DNAI4: variants seen among roughly 807,000 people sequenced by gnomAD.
DNAI4 encodes WD repeat domain 78.
DNAI4 carries 85 observed loss-of-function variants against 105.8 expected under a neutral mutation model. The observed-to-expected ratio is 0.80, with a 90% CI of 0.67 to 0.96. The LOEUF (loss-of-function observed/expected upper bound fraction) is 0.96, where lower values mean the gene tolerates loss of function less well. Among genes scored for constraint, DNAI4 ranks in the 40% least tolerant of loss-of-function variants. The probability of loss-of-function intolerance (pLI) is 0.00; values close to 1 mark genes in which losing one functional copy is unlikely to be tolerated. For synonymous variants in DNAI4, 352 were observed against 331.5 expected (o/e 1.06, Z -0.67); for missense variants, 1,014 against 1,005.6 (o/e 1.01, Z -0.11).
chr1:66,826,517 T>C (rs1357300751), intron 15 of DNAI4, among the ~76,000 whole-genome samples: 4 of 152,082 alleles, frequency 2.6e-5, no homozygotes, highest in Admixed American at 6.5e-5. Flanking sequence ...AGGCTGGTCT[T>C]GAACTCTTGA....
chr1:66,916,667 G>A (rs1650095683), intron 1 of DNAI4, among the ~76,000 whole-genome samples: 1 of 152,076 alleles, frequency 6.6e-6, no homozygotes, highest in African/African-American at 2.4e-5. Flanking sequence ...CCAGTATATG[G>A]GCCCCTGTGT....
intron 1 of DNAI4, among the ~76,000 whole-genome samples, chr1:66,923,135 TTG>T (rs1292448786): frequency 6.6e-6 from 1 of 152,228 alleles, no homozygotes; most frequent in Non-Finnish European, 1.5e-5. Flanking sequence ...ATACTTAGCA[TTG>T]TGTTACAATT....
chr1:66,924,779 G>C lies in DNAI4; in HGVS notation c.53C>G (p.Ala18Gly). Residue 18 changes from alanine to glycine, a missense_variant, in exon 1 of 17, where the codon GCT (alanine) becomes GGT (glycine). Ala to Gly is a moderately conservative substitution (Grantham distance 60). Transcript: ENST00000371026. ...GCCTCTGAAGTCCCTGTACCCCCAA[G>C]CTCCTCCGTTAGCGGCTCGGGCCGA... ...GASARAANGG[A>G]WGYRDFRGGQ... 6 of 1,613,950 alleles carry C rather than the reference G, an allele frequency of 3.7e-6. No homozygotes were observed. The highest frequency in any genetic ancestry group is 4.2e-6 in the Non-Finnish European group (5 of 1,179,806).
chr1:66,819,348 T>C (rs1645578837), intron 16 of DNAI4, among the ~76,000 whole-genome samples: 1 of 152,190 alleles, frequency 6.6e-6, no homozygotes, highest in African/African-American at 2.4e-5. Flanking sequence ...TTCTCTTATT[T>C]TCCTTTTCCT....
rs199651675 is a variant in DNAI4 at position 66,833,622 on chromosome 1, C to A, written c.1976G>T (p.Arg659Leu). 9 of 1,613,324 alleles carry A rather than the reference C, an allele frequency of 5.6e-6. No homozygotes were observed. The highest frequency in any genetic ancestry group is 6.8e-6 in the Non-Finnish European group (8 of 1,179,552). ...AGCAAAACACATTCCAGGAGCCTGT[C>A]GAGATATCAAAGCTTCATCTTTCTT... ...KEKKDEALIS[R>L]QAPGMCFAFH... The change falls in exon 13 of 17, where the codon CGA (arginine) becomes CTA (leucine). Residue 659 changes from arginine to leucine, a missense_variant. Arg to Leu is a moderately radical substitution (Grantham distance 102). Coordinates refer to ENST00000371026, the MANE Select transcript of DNAI4 (RefSeq NM_024763.5).
chr1:66,908,196 G>A (rs776682809), intron 1 of DNAI4, among the ~76,000 whole-genome samples: 2 of 152,122 alleles, frequency 1.3e-5, no homozygotes, highest in African/African-American at 4.8e-5. Context: ...TGTAACATCT[G>A]ACCTACATGC....
chr1:66,868,719 C>T (rs1017816267), intron 6 of DNAI4, among the ~76,000 whole-genome samples: 1 of 152,072 alleles, frequency 6.6e-6, no homozygotes, highest in African/African-American at 2.4e-5. Flanking sequence ...TGGTACTTCT[C>T]AGCCTCCATA....
chr1:66,843,500 A>G (rs1188012415), intron 8 of DNAI4, among the ~76,000 whole-genome samples: 1 of 152,076 alleles, frequency 6.6e-6, no homozygotes, highest in Non-Finnish European at 1.5e-5. Flanking sequence ...TATTCTCTTG[A>G]CAGTGTCTTT....
intron 1 of DNAI4, among the ~76,000 whole-genome samples, chr1:66,915,022 A>G (rs1381811960): frequency 2.0e-5 from 3 of 152,240 alleles, no homozygotes; most frequent in Non-Finnish European, 2.9e-5. Flanking sequence ...GCATTTATTA[A>G]TCAAGCAATT....
At chr1:66,878,453 T>G (rs141797919) in intron 4 of DNAI4, among the ~76,000 whole-genome samples, 1 of 152,170 alleles carries the variant, frequency 6.6e-6, no homozygotes, top group Non-Finnish European at 1.5e-5. Context: ...AGAGCCCTAG[T>G]TGCTTTTATT....
chr1:66,861,609 G>A (rs1461829511), intron 7 of DNAI4, among the ~76,000 whole-genome samples: 3 of 152,164 alleles, frequency 2.0e-5, no homozygotes, highest in African/African-American at 4.8e-5. Flanking sequence ...GGCAGTACAC[G>A]TACTGACATT....
In DNAI4 at chr1:66,827,005, A is replaced by G. The variant is rs1165440665; in HGVS notation, c.2154T>C (p.Asp718=). Reference sequence around the variant, plus strand: ...AATCTGCAGAACAGCTTAAAAATACATCATGACAAAATGGATTCCATGTCA... The same window carrying G: ...AATCTGCAGAACAGCTTAAAAATACGTCATGACAAAATGGATTCCATGTCA... The part of the protein sequence containing the change: ...YKVTWNPFCH[D]VFLSCSADWG... The change falls in exon 15 of 17, where the codon GAT becomes GAC. Residue 718 remains aspartate, a synonymous_variant. Transcript: ENST00000371026. 6.2e-7 allele frequency: 1 copy of G among 1,614,020 alleles called. No homozygotes were observed.
chr1:66,842,207 A>G (rs1646164633), intron 8 of DNAI4, among the ~76,000 whole-genome samples: 2 of 152,172 alleles, frequency 1.3e-5, no homozygotes, highest in Admixed American at 6.5e-5. Context: ...ATCATAGTTC[A>G]TTTATCCATT....
At chr1:66,858,257 C>T (rs1177158419) in intron 7 of DNAI4, among the ~76,000 whole-genome samples, 5 of 151,530 alleles carry the variant, frequency 3.3e-5, no homozygotes, top group Admixed American at 6.6e-5. Flanking sequence ...TGGCCGGGCG[C>T]GGTGGCTCAC....
Position 66,871,377 on chromosome 1 carries a change from T to C in DNAI4, c.933A>G (p.Glu311=), listed in dbSNP as rs762258833. The C allele has an allele frequency of 6.2e-7, 1 of 1,605,812 alleles. No homozygotes were observed. Among genetic ancestry groups the C allele is most frequent in the South Asian group, 1.1e-5 (1 of 88,770 alleles). ...KDVQCDKIIM[E]DKGIMSTAWD... ...CAGAATGATAGAAATTACCTTTATC[T>C]TCCATTATGATTTTATCACATTGAA... The change falls in exon 6 of 17, where the codon GAA becomes GAG. Residue 311 remains glutamate (E), a synonymous_variant. Transcript: ENST00000371026.
intron 15 of DNAI4, among the ~76,000 whole-genome samples, chr1:66,823,933 T>C (rs1050379156): frequency 5.3e-5 from 8 of 150,394 alleles, no homozygotes; most frequent in African/African-American, 2.0e-4. Flanking sequence ...ATTTGTCAAT[T>C]TTGTCTTTAG....
chr1:66,833,019 A>AG (rs886229524), intron 13 of DNAI4, among the ~76,000 whole-genome samples: 1 of 152,062 alleles, frequency 6.6e-6, no homozygotes, highest in Non-Finnish European at 1.5e-5. Flanking sequence ...AGAGTGGCCA[A>AG]GGGGGGCAGG....
intron 7 of DNAI4, among the ~76,000 whole-genome samples, chr1:66,851,375 T>C (rs1484065959): frequency 3.9e-5 from 6 of 152,018 alleles, no homozygotes; most frequent in South Asian, 4.1e-4. Flanking sequence ...ATAATGGTTA[T>C]ATAAAATTTT....
At chr1:66,921,903 T>C (rs904172301) in intron 1 of DNAI4, among the ~76,000 whole-genome samples, 1 of 151,484 alleles carries the variant, frequency 6.6e-6, no homozygotes, top group African/African-American at 2.4e-5. Context: ...AAATTTTTTT[T>C]TTTTTTTTTT....
Sources: gnomAD v4.1 joint callset for allele counts (sites outside exome capture counted in the v4.1 genomes callset) on GRCh38, gnomAD v4.1.1 for gene constraint, MANE v1.5 for transcripts, NCBI Gene and HGNC (gene_info 2026-07-23, HGNC 2026-07-21) for gene names.